GOSR2: variants seen among roughly 807,000 people sequenced by gnomAD.
The protein encoded by GOSR2 is golgi SNAP receptor complex member 2, also known as 27 kDa Golgi SNARE protein.
GOSR2 carries 20 observed loss-of-function variants against 27.9 expected under a neutral mutation model. That is an observed-to-expected ratio of 0.72 (90% confidence interval 0.50 to 1.04). The LOEUF is 1.04. Among genes scored for constraint, GOSR2 ranks in the 50% least tolerant of loss-of-function variants. GOSR2 has a pLI of 0.00. For missense variants in GOSR2, 261 were observed against 270.5 expected (o/e 0.97, Z 0.25); for synonymous variants, 91 against 98.8 (o/e 0.92, Z 0.47).
In GOSR2 at chr17:46,938,660, G is replaced by A. The variant is rs1348639194; in HGVS notation, c.539G>A (p.Arg180Gln). The change falls in exon 6 of 6, where the codon CGG (arginine) becomes CAG (glutamine). Residue 180 changes from arginine to glutamine, a missense_variant. Transcript: ENST00000640051. ...NMLGLSNTVMRLIEKRAFQDK... is the reference protein window; with the variant it reads ...NMLGLSNTVMQLIEKRAFQDK... ...CTGGGCTTGTCCAACACAGTGATGC[G>A]GCTCATCGAGAAGCGGGCTTTCCAG... The A allele has an allele frequency of 1.2e-6, 2 of 1,614,062 alleles. No individual in the cohort carries two copies. Among genetic ancestry groups the A allele is most frequent in the Admixed American group, 1.7e-5 (1 of 60,022 alleles).
chr17:46,956,627 G>T (rs2090734884), intron 6 of GOSR2, among the ~76,000 whole-genome samples: 2 of 152,102 alleles, frequency 1.3e-5, no homozygotes, highest in African/African-American at 4.8e-5. Flanking sequence ...TATTTCTCTT[G>T]TCCCTTGATG....
intron 6 of GOSR2, chr17:46,949,133 T>C (rs1360568832): frequency 6.6e-6 from 1 of 152,208 alleles, no homozygotes; most frequent in Non-Finnish European, 1.5e-5. Context: ...GTGGCTGGGA[T>C]AGCTGTCTCT....
Position 46,966,776 on chromosome 17 carries a change from C to T in GOSR2, c.*52C>T, listed in dbSNP as rs116944470. On this transcript the variant is annotated 3_prime_UTR_variant, in exon 7 of 7. Transcript: ENST00000573224. ...TAAGTGGAGATGACAATAGCACCTG[C>T]CTTGCAAGAATTATTTGATGTGGCC... is the stretch of plus-strand genomic sequence containing the variant. The T allele has an allele frequency of 3.8e-4, 169 of 447,126 alleles. 1 individual carries two copies. The East Asian group carries it at 5.8e-3, about 15-fold the overall frequency. 27.7% of individuals were successfully genotyped at this position (447,126 alleles called of 1,614,324 possible). A position where few individuals can be genotyped will look rare whatever the true frequency, so the allele number is the denominator to read the frequency against.
intron 6 of GOSR2, among the ~76,000 whole-genome samples, chr17:46,972,197 G>A (rs1485989454): frequency 6.6e-6 from 1 of 152,156 alleles, no homozygotes; most frequent in Non-Finnish European, 1.5e-5. Context: ...GGCAGGAGGC[G>A]AGACCCTGGC....
In GOSR2 at chr17:46,958,364, A is replaced by T. The variant is rs79679411; in HGVS notation, c.584-8170A>T. 1.1e-4 allele frequency among the ~76,000 whole-genome samples: 17 copies of T among 152,382 alleles called. No homozygotes were observed. In the East Asian group the frequency reaches 3.3e-3, roughly 29 times the overall value. ...AATTACCCAAAAATCCACTCCTGACAGTTGCAACAGCGGGAGCTAGCAAAG... is the reference window on the plus strand; with the variant it reads ...AATTACCCAAAAATCCACTCCTGACTGTTGCAACAGCGGGAGCTAGCAAAG... On this transcript the variant is annotated intron_variant, in intron 6 of 6. Transcript: ENST00000573224.
At chr17:46,953,082 A>G (rs1261406133) in intron 6 of GOSR2, among the ~76,000 whole-genome samples, 1 of 151,870 alleles carries the variant, frequency 6.6e-6, no homozygotes, top group Non-Finnish European at 1.5e-5. Flanking sequence ...GTTTTAGGGT[A>G]CATGTACACA....
rs537489434 is a variant in GOSR2, at chr17:46,939,012, T to C, written c.*252T>C. 10 of 1,331,268 alleles carry C rather than the reference T, an allele frequency of 7.5e-6. No individual in the cohort carries two copies. The African/African-American group carries it at 1.5e-4, about 20-fold the overall frequency. 82.5% of individuals were successfully genotyped at this position (1,331,268 alleles called of 1,614,324 possible). A position where few individuals can be genotyped will look rare whatever the true frequency, so the allele number is the denominator to read the frequency against. ...AGTCCCGGGTCTGTCTCTCTCACTCTCGCTCTCACTGGGGGAGGGAAAGAA... is the reference window on the plus strand; with the variant it reads ...AGTCCCGGGTCTGTCTCTCTCACTCCCGCTCTCACTGGGGGAGGGAAAGAA... On this transcript the variant is annotated 3_prime_UTR_variant, in exon 6 of 6. Transcript: ENST00000640051.
At position 46,939,885 on chromosome 17, in the gene GOSR2, G is replaced by A. The variant is rs879295353; in HGVS notation, c.*1125G>A. On this transcript the variant is annotated 3_prime_UTR_variant, in exon 6 of 6. Coordinates refer to ENST00000640051, the MANE Select transcript of GOSR2 (RefSeq NM_004287.5). The stretch of plus-strand genomic sequence containing the variant: ...AGTCCATCTAATGTGGTGAATCACT[G>A]AAAGTCTCAGAAAGACCTGGTTAGT... 15 of 992,786 alleles carry A rather than the reference G, an allele frequency of 1.5e-5. No homozygotes were observed. The highest frequency in any genetic ancestry group is 1.3e-5 in the Non-Finnish European group (11 of 833,638). 61.5% of individuals were successfully genotyped at this position (992,786 alleles called of 1,614,324 possible). A position where few individuals can be genotyped will look rare whatever the true frequency, so the allele number is the denominator to read the frequency against.
intron 6 of GOSR2, among the ~76,000 whole-genome samples, chr17:46,949,798 C>A (rs2090191850): frequency 6.6e-6 from 1 of 152,138 alleles, no homozygotes; most frequent in African/African-American, 2.4e-5. Context: ...CAGAGGGAGT[C>A]ATCTAGCAAA....
At chr17:46,948,080 T>C (rs2090057186) in intron 6 of GOSR2, among the ~76,000 whole-genome samples, 1 of 152,194 alleles carries the variant, frequency 6.6e-6, no homozygotes, top group African/African-American at 2.4e-5. Context: ...CTAGAAGTGA[T>C]TTTTGTCAGG....
intron 6 of GOSR2, chr17:46,948,984 G>A (rs2090130945): frequency 1.3e-5 from 2 of 152,200 alleles, no homozygotes; most frequent in Admixed American, 1.3e-4. Flanking sequence ...ACGGGACTGG[G>A]CCTTGGAGAA....
intron 6 of GOSR2, among the ~76,000 whole-genome samples, chr17:46,953,844 G>T (rs2090539307): frequency 6.6e-6 from 1 of 152,202 alleles, no homozygotes; most frequent in Non-Finnish European, 1.5e-5. Flanking sequence ...CTTCTTTTGA[G>T]AAGTGTATGT....
chr17:46,974,260 C>G (rs1446097970), intron 6 of GOSR2, among the ~76,000 whole-genome samples: 2 of 152,362 alleles, frequency 1.3e-5, no homozygotes, highest in African/African-American at 2.4e-5. Context: ...GACGCTAGGT[C>G]TGCCATCCGT....
At chr17:46,968,199 G>GT (rs1292302582), downstream of GOSR2, among the ~76,000 whole-genome samples, 1 of 152,180 alleles carries the variant, frequency 6.6e-6, no homozygotes, top group Non-Finnish European at 1.5e-5. Flanking sequence ...ATACCTCTGA[G>GT]TAAGGAACCA....
At chr17:46,969,635 C>T (rs2091370718), downstream of GOSR2, among the ~76,000 whole-genome samples, 1 of 152,228 alleles carries the variant, frequency 6.6e-6, no homozygotes, top group Admixed American at 6.5e-5. Flanking sequence ...AGACAGTTTC[C>T]TTATTCAGCA....
At chr17:46,925,659 C>T (rs771186774) in intron 1 of GOSR2, among the ~76,000 whole-genome samples, 11 of 152,192 alleles carry the variant, frequency 7.2e-5, no homozygotes, top group Non-Finnish European at 1.0e-4. Flanking sequence ...AATGAACTTT[C>T]GCAACTGCAG....
At position 46,939,073 on chromosome 17, in the gene GOSR2, G is replaced by T; in HGVS notation, c.*313G>T. ...GGCTTTGTTCACATAGCTGATGCGT[G>T]CCCTGGGAAGGTGTCCACAGTGAGC... On this transcript the variant is annotated 3_prime_UTR_variant, in exon 6 of 6. Coordinates refer to ENST00000640051, the MANE Select transcript of GOSR2 (RefSeq NM_004287.5). The T allele has an allele frequency of 8.8e-7, 1 of 1,142,744 alleles. No homozygotes were observed. The highest frequency in any genetic ancestry group is 1.1e-6 in the Non-Finnish European group (1 of 893,488). The allele number at this position is 1,142,744 out of a possible 1,614,324, so 70.8% of individuals were successfully genotyped here. A position where few individuals can be genotyped will look rare whatever the true frequency, so the allele number is the denominator to read the frequency against.
intron 1 of GOSR2, among the ~76,000 whole-genome samples, chr17:46,925,561 A>G (rs1231034606): frequency 6.6e-6 from 1 of 152,200 alleles, no homozygotes; most frequent in Admixed American, 6.5e-5. Flanking sequence ...GGCTGGTTAA[A>G]CTGTAAGGCT....
intron 6 of GOSR2, among the ~76,000 whole-genome samples, chr17:46,974,194 C>G (rs915525531): frequency 1.3e-5 from 2 of 152,244 alleles, no homozygotes; most frequent in African/African-American, 2.4e-5. Flanking sequence ...CGCATGGAAC[C>G]AGCTACCTGG....
Sources: allele counts gnomAD v4.1 joint callset (sites outside exome capture counted in the v4.1 genomes callset), GRCh38; gene constraint gnomAD v4.1.1; transcripts MANE v1.5; gene names NCBI Gene and HGNC (gene_info 2026-07-23, HGNC 2026-07-21).